The following ASTN2 variants were observed in gnomAD, a reference collection of about 807,000 sequenced individuals.
The protein encoded by ASTN2 is astrotactin 2.
A neutral mutation model predicts 139.8 loss-of-function variants in ASTN2; 54 were observed. The ratio of observed to expected loss-of-function variants is 0.39; its 90% CI spans 0.31 to 0.48. The LOEUF is 0.48. Ranked by LOEUF, ASTN2 falls within the 20% of genes least tolerant of loss-of-function variation. The pLI is 0.95. For synonymous variants in ASTN2, 756 were observed against 719.5 expected, an observed-to-expected ratio of 1.05 and a Z score of -0.81; for missense variants, 1,565 against 1,725.1, an observed-to-expected ratio of 0.91 and a Z score of 1.64.
At chr9:117,335,287 T>A (rs1213897772) in intron 1 of ASTN2, among the ~76,000 whole-genome samples, 1 of 152,208 alleles carries the variant, frequency 6.6e-6, no homozygotes, top group African/African-American at 2.4e-5. Context: ...TGAATAAATG[T>A]TTGTTGAAAG....
chr9:117,096,213 C>A, intron 4 of ASTN2, 62 bp from the exon 5 acceptor site: 1 of 1,351,882 alleles, frequency 7.4e-7, no homozygotes, highest in South Asian at 1.2e-5. Context: ...TGAGATTCCT[C>A]AACCATCCCA....
chr9:117,146,470 G>A (rs2132869657), intron 3 of ASTN2, among the ~76,000 whole-genome samples: 1 of 100,486 alleles, frequency 1.0e-5, no homozygotes, highest in Non-Finnish European at 2.1e-5. Flanking sequence ...GGATGGAAGA[G>A]GAGAGAAAAA....
intron 20 of ASTN2, among the ~76,000 whole-genome samples, chr9:116,459,277 C>G (rs191222229): frequency 3.0e-4 from 46 of 152,032 alleles, no homozygotes; most frequent in African/African-American, 1.1e-3. Flanking sequence ...TCATTAAAGA[C>G]CTAAATGTAA....
intron 20 of ASTN2, among the ~76,000 whole-genome samples, chr9:116,482,844 G>A (rs891834320): frequency 2.0e-5 from 3 of 152,244 alleles, no homozygotes; most frequent in African/African-American, 7.2e-5. Context: ...TGAAGCCAGG[G>A]AGGTGAGGGC....
At chr9:117,070,276 C>T (rs10983503) in intron 5 of ASTN2, among the ~76,000 whole-genome samples, 2 of 125,590 alleles carry the variant, frequency 1.6e-5, no homozygotes, top group Non-Finnish European at 3.3e-5. Flanking sequence ...TGAAGCTTAG[C>T]TTGGCTGGAT....
In ASTN2 at chr9:116,847,007, CAA is replaced by C. The variant is rs11302692; in HGVS notation, c.2040+16574_2040+16575del. ...AATTATAAAGCCTTAGCTTCATTCT[CAA>C]AAAAAAAAAAAAAAAAACAAAAAAC... is the stretch of plus-strand genomic sequence containing the variant. On this transcript the variant is annotated intron_variant, in intron 11 of 22. Coordinates refer to ENST00000313400, the MANE Select transcript of ASTN2 (RefSeq NM_001365068.1). 6.3e-3 allele frequency among the ~76,000 whole-genome samples: 479 copies of C among 75,854 alleles called. 1 individual carries two copies. The highest frequency in any genetic ancestry group is 0.017 in the African/African-American group (344 of 20,252). The allele number at this position is 75,854 out of a possible 152,430, so 49.8% of individuals were successfully genotyped here.
At chr9:117,041,080 A>G (rs887927990) in intron 5 of ASTN2, among the ~76,000 whole-genome samples, 3 of 152,156 alleles carry the variant, frequency 2.0e-5, no homozygotes, top group Non-Finnish European at 4.4e-5. Context: ...TCTGAAAATT[A>G]AAGACAATTT....
rs147863522 is a variant in ASTN2, at chr9:116,605,983, T to G, written c.3355+12341A>C. 2.0e-5 allele frequency among the ~76,000 whole-genome samples: 3 copies of G among 152,280 alleles called. No homozygotes were observed. The East Asian group carries it at 5.8e-4, about 29-fold the overall frequency. ...ACAAGTCCATCTCCTCTGAGCCTTT[T>G]TCTTCGTAGGTCAAACAGGAGATTT... On this transcript the variant is annotated intron_variant, in intron 19 of 22. Coordinates refer to ENST00000313400, the MANE Select transcript of ASTN2 (RefSeq NM_001365068.1).
At chr9:116,714,470 A>G (rs966300984) in intron 16 of ASTN2, among the ~76,000 whole-genome samples, 2 of 152,234 alleles carry the variant, frequency 1.3e-5, no homozygotes, top group Non-Finnish European at 2.9e-5. Flanking sequence ...TCATAATAGC[A>G]TTTCCTCAGC....
intron 13 of ASTN2, among the ~76,000 whole-genome samples, chr9:116,764,763 G>A (rs866689074): frequency 6.6e-6 from 1 of 152,100 alleles, no homozygotes; most frequent in Admixed American, 6.5e-5. Flanking sequence ...TACATTAGTT[G>A]TTTCTGATAT....
chr9:117,027,526 G>A (rs962265824), intron 6 of ASTN2, among the ~76,000 whole-genome samples: 2 of 152,056 alleles, frequency 1.3e-5, no homozygotes, highest in African/African-American at 4.8e-5. Context: ...TCTTTACCTG[G>A]AAGATTGCCC....
At chr9:117,129,669 C>T (rs1384121155) in intron 4 of ASTN2, among the ~76,000 whole-genome samples, 1 of 152,086 alleles carries the variant, frequency 6.6e-6, no homozygotes, top group African/African-American at 2.4e-5. Flanking sequence ...CCCACTTGGA[C>T]TATGTATTAA....
chr9:116,559,069 CT>C (rs1325126540), intron 19 of ASTN2, among the ~76,000 whole-genome samples: 2 of 152,166 alleles, frequency 1.3e-5, no homozygotes, highest in Non-Finnish European at 2.9e-5. Flanking sequence ...CCCGACTCTA[CT>C]TTATGTGCTT....
In ASTN2 at chr9:116,961,445, C is replaced by T. The variant is rs375142273; in HGVS notation, c.1889+13763G>A. On this transcript the variant is annotated intron_variant, in intron 10 of 22. Coordinates refer to ENST00000313400, the MANE Select transcript of ASTN2 (RefSeq NM_001365068.1). ...TCTATGATTTTGGCTACTCTAAGTA[C>T]CTCATATAAGTGGAATCATACAGTG... Among the ~76,000 whole-genome samples the T allele has an allele frequency of 1.1e-4, 16 of 152,280 alleles. No individual in the cohort carries two copies. In the East Asian group the frequency reaches 2.9e-3, roughly 28 times the overall value.
intron 1 of ASTN2, among the ~76,000 whole-genome samples, chr9:117,355,919 C>T (rs1306136583): frequency 2.0e-5 from 3 of 152,070 alleles, no homozygotes; most frequent in Non-Finnish European, 4.4e-5. Flanking sequence ...AAAATGTTTC[C>T]CCCAGAGAAC....
chr9:116,967,317 G>A (rs113467567), intron 10 of ASTN2, among the ~76,000 whole-genome samples: 3,778 of 152,304 alleles, frequency 0.025, 166 homozygotes, highest in African/African-American at 0.087. Context: ...CAGTGGTGGA[G>A]CTGGGATTTG....
intron 13 of ASTN2, among the ~76,000 whole-genome samples, chr9:116,790,955 A>AAGGAAAGAAGG (rs1830516804): frequency 1.0e-5 from 1 of 99,702 alleles, no homozygotes; most frequent in African/African-American, 3.9e-5. Flanking sequence ...AGAAAGAAAG[A>AAGGAAAGAAGG]AAAGAAAGAA....
At chr9:116,596,269 G>A (rs1214346158) in intron 19 of ASTN2, among the ~76,000 whole-genome samples, 1 of 152,220 alleles carries the variant, frequency 6.6e-6, no homozygotes, top group Non-Finnish European at 1.5e-5. Context: ...ATGGTTTCCA[G>A]GTGCTGGGAA....
chr9:116,833,210 C>G (rs1011231458), intron 11 of ASTN2, among the ~76,000 whole-genome samples: 1 of 152,086 alleles, frequency 6.6e-6, no homozygotes, highest in Non-Finnish European at 1.5e-5. Flanking sequence ...TTGTAGCATT[C>G]CCTTATTATC....
Sources: gnomAD v4.1 joint callset for allele counts (sites outside exome capture counted in the v4.1 genomes callset) on GRCh38, gnomAD v4.1.1 for gene constraint, MANE v1.5 for transcripts, NCBI Gene and HGNC (gene_info 2026-07-23, HGNC 2026-07-21) for gene names.